Variants in CPQ observed in about 807,000 individuals in gnomAD.
CPQ encodes the protein Ser-Met dipeptidase.
CPQ carries 37 observed loss-of-function variants against 45.7 expected under a neutral mutation model. That is an observed-to-expected ratio of 0.81 (90% CI 0.62 to 1.07). The LOEUF (loss-of-function observed/expected upper bound fraction) is 1.07, where lower values mean the gene tolerates loss of function less well. Among genes scored for constraint, CPQ ranks in the 50% least tolerant of loss-of-function variants. The pLI, the probability that CPQ is intolerant of heterozygous loss-of-function variation, is 0.00. For missense variants in CPQ, 537 were observed against 572.9 expected, an observed-to-expected ratio of 0.94 and a Z score of 0.64; for synonymous variants, 186 against 205.8, an observed-to-expected ratio of 0.90 and a Z score of 0.82.
chr8:97,099,124 T>TC, intron 7 of CPQ, among the ~76,000 whole-genome samples: 1 of 123,744 alleles, frequency 8.1e-6, no homozygotes, highest in Non-Finnish European at 1.7e-5. Flanking sequence ...TCTTTTTTTT[T>TC]TTTTTTTTTT....
chr8:97,100,982 C>A (rs370793217), intron 7 of CPQ, among the ~76,000 whole-genome samples: 1 of 152,128 alleles, frequency 6.6e-6, no homozygotes, highest in South Asian at 2.1e-4. Context: ...AGTCATTTCA[C>A]AAAATTGTTA....
chr8:97,050,647 G>A lies in CPQ; in HGVS notation c.1054-15362G>A, dbSNP rs536819618. 7.9e-5 allele frequency among the ~76,000 whole-genome samples: 12 copies of A among 152,230 alleles called. No individual in the cohort carries two copies. In the East Asian group the frequency reaches 1.7e-3, roughly 22 times the overall value. ...TGGGAGGCTGAGGCAGAAGGATTGC[G>A]TGAGCCCAGGGTTTGTGATCAGCCT... On this transcript the variant is annotated intron_variant, in intron 6 of 7. Transcript: ENST00000220763.
intron 2 of CPQ, among the ~76,000 whole-genome samples, chr8:96,834,067 A>G (rs184104456): frequency 2.1e-4 from 32 of 152,318 alleles, no homozygotes; most frequent in Admixed American, 1.8e-3. Context: ...TCTTTTAGAT[A>G]TATTTAGCCA....
intron 4 of CPQ, among the ~76,000 whole-genome samples, chr8:96,889,375 G>A (rs1399134221): frequency 6.6e-6 from 1 of 152,126 alleles, no homozygotes; most frequent in African/African-American, 2.4e-5. Flanking sequence ...TGAAGTTTGG[G>A]TATATGAGAG....
At chr8:97,125,350 G>C (rs1811830169) in intron 7 of CPQ, among the ~76,000 whole-genome samples, 1 of 152,100 alleles carries the variant, frequency 6.6e-6, no homozygotes, top group Non-Finnish European at 1.5e-5. Context: ...CAAACTTTAA[G>C]AAAACAGAGA....
intron 2 of CPQ, among the ~76,000 whole-genome samples, chr8:96,813,646 G>A (rs1811186727): frequency 6.6e-6 from 1 of 152,066 alleles, no homozygotes; most frequent in African/African-American, 2.4e-5. Context: ...TGAAAACCAG[G>A]GCCTGAGTCT....
At chr8:96,652,168 C>T (rs539374006) in intron 1 of CPQ, among the ~76,000 whole-genome samples, 87 of 152,286 alleles carry the variant, frequency 5.7e-4, no homozygotes, top group Admixed American at 1.4e-3. Context: ...TTCTACTCTA[C>T]GCTTCTTAGT....
chr8:97,047,695 T>C (rs1044960233), intron 6 of CPQ, among the ~76,000 whole-genome samples: 1 of 152,232 alleles, frequency 6.6e-6, no homozygotes, highest in Admixed American at 6.5e-5. Flanking sequence ...TTTCCTTTAG[T>C]TTGGGGCATT....
intron 6 of CPQ, among the ~76,000 whole-genome samples, chr8:97,046,871 A>C (rs1392206658): frequency 6.6e-6 from 1 of 152,254 alleles, no homozygotes; most frequent in Non-Finnish European, 1.5e-5. Context: ...TGAATTAGGA[A>C]AGGTCAAAGG....
At chr8:97,131,176 C>T (rs1248519983) in intron 7 of CPQ, among the ~76,000 whole-genome samples, 1 of 152,192 alleles carries the variant, frequency 6.6e-6, no homozygotes, top group African/African-American at 2.4e-5. Flanking sequence ...GGAAAAACCT[C>T]ACTAATATTT....
chr8:96,871,531 G>GTTTTTT (rs529360931), intron 3 of CPQ, among the ~76,000 whole-genome samples: 1 of 107,022 alleles, frequency 9.3e-6, no homozygotes, highest in Non-Finnish European at 1.9e-5. Context: ...TTGCTTCCAG[G>GTTTTTT]TTTTTTTTTT....
At chr8:97,106,560 T>C (rs1038178750) in intron 7 of CPQ, among the ~76,000 whole-genome samples, 6 of 152,200 alleles carry the variant, frequency 3.9e-5, no homozygotes, top group Non-Finnish European at 8.8e-5. Flanking sequence ...ATGTTTAAGT[T>C]TAGGAAAATT....
chr8:97,023,338 G>A (rs1809743255), intron 5 of CPQ, among the ~76,000 whole-genome samples: 1 of 151,968 alleles, frequency 6.6e-6, no homozygotes, highest in African/African-American at 2.4e-5. Flanking sequence ...AGGGTGGGAA[G>A]GAGTTGAGGG....
At chr8:96,790,872 C>T (rs959022037) in intron 2 of CPQ, among the ~76,000 whole-genome samples, 4 of 152,204 alleles carry the variant, frequency 2.6e-5, no homozygotes, top group Non-Finnish European at 5.9e-5. Flanking sequence ...TGCTGAGTTA[C>T]TCATGCTGCC....
intron 1 of CPQ, among the ~76,000 whole-genome samples, chr8:96,711,574 T>C (rs115411164): frequency 0.021 from 3,145 of 152,166 alleles, 123 homozygotes; most frequent in African/African-American, 0.072. Flanking sequence ...ATGTCCTTCC[T>C]CACATGGTGG....
chr8:96,938,505 A>T (rs2853277), intron 4 of CPQ, among the ~76,000 whole-genome samples: 74,703 of 152,020 alleles, frequency 0.49, 20,388 homozygotes, highest in African/African-American at 0.75. Flanking sequence ...GGGGATCATG[A>T]TTATCAACCC....
At chr8:97,032,500 C>G (rs1809925091) in intron 6 of CPQ, among the ~76,000 whole-genome samples, 1 of 152,236 alleles carries the variant, frequency 6.6e-6, no homozygotes, top group Non-Finnish European at 1.5e-5. Flanking sequence ...CACTTCCCAA[C>G]AACAGCTCTA....
At chr8:97,112,279 T>C (rs893900291) in intron 7 of CPQ, among the ~76,000 whole-genome samples, 1 of 151,616 alleles carries the variant, frequency 6.6e-6, no homozygotes, top group Non-Finnish European at 1.5e-5. Context: ...ACTCAACGAG[T>C]CATCTACAAA....
intron 1 of CPQ, among the ~76,000 whole-genome samples, chr8:96,762,104 G>T (rs1396832448): frequency 2.0e-5 from 3 of 152,036 alleles, no homozygotes; most frequent in Non-Finnish European, 2.9e-5. Context: ...GTATATCCTG[G>T]ATGGTTATTA....
Sources: gnomAD v4.1 joint callset for allele counts (sites outside exome capture counted in the v4.1 genomes callset) on GRCh38, gnomAD v4.1.1 for gene constraint, MANE v1.5 for transcripts, NCBI Gene and HGNC (gene_info 2026-07-23, HGNC 2026-07-21) for gene names.